SPAG9: variants seen among roughly 807,000 people sequenced by gnomAD.
The protein encoded by SPAG9 is sperm associated antigen 9.
SPAG9 carries 35 observed loss-of-function variants against 166.5 expected under a neutral mutation model. The ratio of observed to expected loss-of-function variants is 0.21; its 90% CI spans 0.16 to 0.28. The LOEUF (loss-of-function observed/expected upper bound fraction) is 0.28. SPAG9 is among the 10% of genes least tolerant of loss of function. The pLI is 1.00. For synonymous variants in SPAG9, 534 were observed against 565.5 expected (o/e 0.94, Z 0.79); for missense variants, 1,235 against 1,603.3 (o/e 0.77, Z 3.92).
intron 1 of SPAG9, among the ~76,000 whole-genome samples, chr17:51,106,777 A>T (rs1411306703): frequency 6.6e-6 from 1 of 151,800 alleles, no homozygotes; most frequent in African/African-American, 2.4e-5. Flanking sequence ...AGTCTGGGCA[A>T]TAGAGCAAGA....
chr17:50,975,711 TAA>T (rs370326620), intron 27 of SPAG9, among the ~76,000 whole-genome samples: 5 of 139,282 alleles, frequency 3.6e-5, no homozygotes, highest in Admixed American at 7.1e-5. Context: ...TAACAAACAT[TAA>T]AAAAAAAAAA....
chr17:50,968,949 T>C (rs1338923355), intron 29 of SPAG9, among the ~76,000 whole-genome samples: 2 of 151,824 alleles, frequency 1.3e-5, no homozygotes, highest in African/African-American at 4.8e-5. Context: ...TTTTCTTTTT[T>C]TGAGATGGAG....
chr17:51,018,799 G>A (rs901379208), intron 8 of SPAG9, among the ~76,000 whole-genome samples: 2 of 152,148 alleles, frequency 1.3e-5, no homozygotes, highest in African/African-American at 4.8e-5. Flanking sequence ...ATAGCCAACG[G>A]TGTGTTTCAT....
At position 51,053,853 on chromosome 17, in the gene SPAG9, A is replaced by ATAT. The variant is rs2047260847; in HGVS notation, c.495+2558_495+2559insATA. ...ACCCTAATTAAAAAAAAAAAAAAAA[A>ATAT]AGTATATATATATATATATATATAT... On this transcript the variant is annotated intron_variant, in intron 3 of 29. Transcript: ENST00000262013. Among the ~76,000 whole-genome samples the ATAT allele has an allele frequency of 4.1e-4, 23 of 56,150 alleles. 1 individual carries two copies. Among genetic ancestry groups the ATAT allele is most frequent in the East Asian group, 9.7e-4 (2 of 2,060 alleles). The allele number at this position is 56,150 out of a possible 152,430, so 36.8% of individuals were successfully genotyped here. A position where few individuals can be genotyped will look rare whatever the true frequency, so the allele number is the denominator to read the frequency against.
At chr17:51,094,717 T>C (rs1487283048) in intron 1 of SPAG9, among the ~76,000 whole-genome samples, 1 of 152,166 alleles carries the variant, frequency 6.6e-6, no homozygotes, top group East Asian at 1.9e-4. Flanking sequence ...GTTTTTACAC[T>C]CAAGATCCAA....
intron 1 of SPAG9, among the ~76,000 whole-genome samples, chr17:51,106,460 C>G (rs1021281946): frequency 3.3e-5 from 5 of 152,162 alleles, no homozygotes; most frequent in African/African-American, 1.2e-4. Context: ...AGGCTACCTT[C>G]CTTGTCTGTT....
At chr17:51,046,551 G>A in intron 4 of SPAG9, 1 of 1,536,150 alleles carries the variant, frequency 6.5e-7, no homozygotes, top group Non-Finnish European at 8.7e-7. Flanking sequence ...GGTAGAAATA[G>A]AAAAGTGCAC....
rs1460806430 is a variant in SPAG9, at chr17:51,070,118, C to A, written c.424+9466G>T. 2.6e-5 allele frequency among the ~76,000 whole-genome samples: 4 copies of A among 151,108 alleles called. No homozygotes were observed. The East Asian group carries it at 7.7e-4, about 29-fold the overall frequency. On this transcript the variant is annotated intron_variant, in intron 2 of 29. Coordinates refer to ENST00000262013, the MANE Select transcript of SPAG9 (RefSeq NM_001130528.3). ...AACCTGTACTCCCCAAAAAACATAG[C>A]CACCAAATTAAGAAGTACTCACTAA...
chr17:50,967,669 T>C (rs1973463747), intron 29 of SPAG9, among the ~76,000 whole-genome samples: 1 of 152,228 alleles, frequency 6.6e-6, no homozygotes, highest in Non-Finnish European at 1.5e-5. Context: ...AGATTTTACT[T>C]GTAAGAAAAT....
intron 1 of SPAG9, among the ~76,000 whole-genome samples, chr17:51,085,787 A>G (rs1375385168): frequency 6.6e-6 from 1 of 152,176 alleles, no homozygotes; most frequent in African/African-American, 2.4e-5. Flanking sequence ...TCTTTTGAGT[A>G]TATTGTGAAA....
chr17:51,018,127 G>C (rs1279069704), intron 8 of SPAG9, among the ~76,000 whole-genome samples: 2 of 151,898 alleles, frequency 1.3e-5, no homozygotes, highest in African/African-American at 4.8e-5. Flanking sequence ...GCGGATCACT[G>C]GTGCTCAGGA....
intron 12 of SPAG9, among the ~76,000 whole-genome samples, chr17:51,004,810 T>C (rs1365313195): frequency 6.6e-6 from 1 of 152,262 alleles, no homozygotes; most frequent in Non-Finnish European, 1.5e-5. Flanking sequence ...CACAACAATA[T>C]GAACTAATTG....
chr17:50,988,702 C>T (rs769297987), intron 21 of SPAG9, among the ~76,000 whole-genome samples: 26 of 152,076 alleles, frequency 1.7e-4, no homozygotes, highest in African/African-American at 5.6e-4. Flanking sequence ...CATAGGTGCA[C>T]GCTACCACGC....
chr17:51,115,890 C>A (rs1437574423), intron 1 of SPAG9, among the ~76,000 whole-genome samples: 1 of 152,018 alleles, frequency 6.6e-6, no homozygotes, highest in African/African-American at 2.4e-5. Context: ...AATGCCTCTT[C>A]GTTTTTATGT....
intron 6 of SPAG9, among the ~76,000 whole-genome samples, chr17:51,027,062 A>G (rs2046209923): frequency 6.6e-6 from 1 of 152,192 alleles, no homozygotes; most frequent in Admixed American, 6.5e-5. Flanking sequence ...AAAAGCACTT[A>G]GATGGGAAAT....
chr17:51,079,137 G>A (rs1370859917), intron 2 of SPAG9, among the ~76,000 whole-genome samples: 1 of 151,930 alleles, frequency 6.6e-6, no homozygotes, highest in South Asian at 2.1e-4. Flanking sequence ...TAGGTCCTAG[G>A]TCTCACTCTT....
At chr17:50,981,053 G>A (rs951219910) in intron 25 of SPAG9, among the ~76,000 whole-genome samples, 1 of 152,038 alleles carries the variant, frequency 6.6e-6, no homozygotes, top group African/African-American at 2.4e-5. Context: ...AGGAACCCAC[G>A]CTGCTGTATA....
chr17:51,034,167 T>C (rs2046491559), intron 5 of SPAG9, among the ~76,000 whole-genome samples: 1 of 152,212 alleles, frequency 6.6e-6, no homozygotes, highest in Non-Finnish European at 1.5e-5. Context: ...TCCACTGTCA[T>C]AAACAAAACA....
chr17:50,982,763 T>G (rs1442133727), intron 24 of SPAG9, 91 bp from the exon 25 acceptor site: 1 of 1,196,852 alleles, frequency 8.4e-7, no homozygotes, highest in East Asian at 2.5e-5. Context: ...ATAATTAAAT[T>G]TATTGAGGAA....
Sources: gnomAD v4.1 joint callset for allele counts (sites outside exome capture counted in the v4.1 genomes callset) on GRCh38, gnomAD v4.1.1 for gene constraint, MANE v1.5 for transcripts, NCBI Gene and HGNC (gene_info 2026-07-23, HGNC 2026-07-21) for gene names.